KLF8: variants seen among roughly 807,000 people sequenced by gnomAD.
KLF8 encodes the protein KLF transcription factor 8.
Under a neutral mutation model 18.2 loss-of-function variants are expected in KLF8, and 10 were observed. The observed-to-expected ratio is 0.55, with a 90% CI of 0.34 to 0.93. KLF8 has a LOEUF of 0.93. KLF8 is among the 40% of genes least tolerant of loss of function. KLF8 has a pLI of 0.02. For synonymous variants in KLF8, 109 were observed against 97.3 expected, an observed-to-expected ratio of 1.12 and a Z score of -0.71; for missense variants, 264 against 277.9, an observed-to-expected ratio of 0.95 and a Z score of 0.36.
the KLF8 span, among the ~76,000 whole-genome samples, chrX:55,941,284 T>G: frequency 6.7e-3 from 755 of 112,293 alleles, 7 homozygotes; most frequent in African/African-American, 0.023. Flanking sequence ...ATTCCCTATT[T>G]AATAAATGGT....
chrX:56,137,614 AG>A, the KLF8 span, among the ~76,000 whole-genome samples: 1 of 55,643 alleles, frequency 1.8e-5, no homozygotes, highest in East Asian at 6.7e-4. Context: ...GGGTGGGGGG[AG>A]GGGGGAGGGA....
the KLF8 span, chrX:55,961,504 G>A: frequency 3.6e-6 from 2 of 548,444 alleles, no homozygotes; most frequent in African/African-American, 2.3e-5. Flanking sequence ...GCCCATTGGG[G>A]GTCTGGCTGA....
chrX:56,217,989 A>C, the KLF8 span, among the ~76,000 whole-genome samples: 1 of 110,624 alleles, frequency 9.0e-6, no homozygotes, highest in African/African-American at 3.3e-5. Context: ...AGAATCTCAG[A>C]AACTAGTCAG....
the KLF8 span, among the ~76,000 whole-genome samples, chrX:56,086,406 A>T: frequency 9.0e-6 from 1 of 111,001 alleles, no homozygotes; most frequent in African/African-American, 3.3e-5. Context: ...TGAACAGAGC[A>T]GGAAAAGAGC....
At chrX:56,135,348 A>T in the KLF8 span, among the ~76,000 whole-genome samples, 1 of 111,625 alleles carries the variant, frequency 9.0e-6, no homozygotes, top group African/African-American at 3.3e-5. Flanking sequence ...TGGCACATAT[A>T]CACCATGGAA....
At chrX:56,118,024 C>A in the KLF8 span, among the ~76,000 whole-genome samples, 1 of 111,649 alleles carries the variant, frequency 9.0e-6, no homozygotes, top group South Asian at 3.8e-4. Context: ...TATAAGGGTG[C>A]TAATTCCATT....
chrX:55,969,481 A>G, the KLF8 span, among the ~76,000 whole-genome samples: 1 of 111,709 alleles, frequency 9.0e-6, no homozygotes, highest in African/African-American at 3.3e-5. Flanking sequence ...TATAACTATA[A>G]GCCACTATGT....
At chrX:55,961,117 A>T in the KLF8 span, 37 of 164,518 alleles carry the variant, frequency 2.2e-4, no homozygotes, top group African/African-American at 1.1e-3. Context: ...GGTTCAATTC[A>T]TTCAATTCAA....
the KLF8 span, among the ~76,000 whole-genome samples, chrX:56,080,283 G>A: frequency 9.0e-6 from 1 of 110,905 alleles, no homozygotes; most frequent in Non-Finnish European, 1.9e-5. Flanking sequence ...GCAGTGGCTG[G>A]TACCGGTTGT....
At chrX:56,162,224 C>T in the KLF8 span, among the ~76,000 whole-genome samples, 1 of 112,145 alleles carries the variant, frequency 8.9e-6, no homozygotes, top group Non-Finnish European at 1.9e-5. Flanking sequence ...GTCATGGACC[C>T]ACTTGCGGAG....
the KLF8 span, among the ~76,000 whole-genome samples, chrX:56,202,841 G>A: frequency 1.8e-5 from 2 of 110,663 alleles, no homozygotes; most frequent in African/African-American, 3.3e-5. Context: ...TGGGCTGTTA[G>A]GTCCCTTCCA....
At chrX:55,988,270 C>T in the KLF8 span, among the ~76,000 whole-genome samples, 3 of 110,661 alleles carry the variant, frequency 2.7e-5, no homozygotes, top group Non-Finnish European at 5.7e-5. Context: ...ACATGAAGTC[C>T]TTGCCCATGC....
At chrX:56,175,193 T>C in the KLF8 span, among the ~76,000 whole-genome samples, 1 of 111,789 alleles carries the variant, frequency 8.9e-6, no homozygotes, top group Non-Finnish European at 1.9e-5. Flanking sequence ...GATGTTAGGG[T>C]GTCAATTTTA....
the KLF8 span, among the ~76,000 whole-genome samples, chrX:55,989,415 G>A: frequency 8.9e-6 from 1 of 112,468 alleles, no homozygotes; most frequent in Non-Finnish European, 1.9e-5. Context: ...AGCACGAAGG[G>A]CTGTTGAATT....
chrX:55,927,799 TA>T, the KLF8 span, among the ~76,000 whole-genome samples: 4 of 111,780 alleles, frequency 3.6e-5, no homozygotes, highest in African/African-American at 1.3e-4. Flanking sequence ...TTTTGTATAC[TA>T]TTTGTTGATT....
the KLF8 span, among the ~76,000 whole-genome samples, chrX:56,058,285 T>TACAC: frequency 7.7e-4 from 33 of 42,799 alleles, no homozygotes; most frequent in Admixed American, 1.4e-3. Context: ...TATACATATA[T>TACAC]ATATATATAT....
the KLF8 span, among the ~76,000 whole-genome samples, chrX:56,186,818 T>C: frequency 8.9e-6 from 1 of 112,128 alleles, no homozygotes; most frequent in Non-Finnish European, 1.9e-5. Flanking sequence ...AAGATGTTCT[T>C]TGAAGCCAAT....
the KLF8 span, among the ~76,000 whole-genome samples, chrX:55,972,818 T>A: frequency 8.9e-6 from 1 of 112,041 alleles, no homozygotes; most frequent in Non-Finnish European, 1.9e-5. Context: ...CGAATTCTAT[T>A]TCTATGAAAC....
At chrX:56,223,711 T>C in the KLF8 span, among the ~76,000 whole-genome samples, 6 of 112,104 alleles carry the variant, frequency 5.4e-5, no homozygotes, top group Middle Eastern at 4.6e-3. Context: ...AATGTGATTA[T>C]TATTACTAAG....
Sources: gnomAD v4.1 joint callset for allele counts (sites outside exome capture counted in the v4.1 genomes callset) on GRCh38, gnomAD v4.1.1 for gene constraint, MANE v1.5 for transcripts, NCBI Gene and HGNC (gene_info 2026-07-23, HGNC 2026-07-21) for gene names.